UGT2A2: variants seen among roughly 807,000 people sequenced by gnomAD.
UGT2A2 encodes UDP glucuronosyltransferase family 2 member A2.
Under a neutral mutation model 50.7 loss-of-function variants are expected in UGT2A2, and 60 were observed. That is an observed-to-expected ratio of 1.18 (90% CI 0.96 to 1.47). UGT2A2 has a LOEUF of 1.47. Among genes scored for constraint, UGT2A2 ranks in the 40% most tolerant of loss-of-function variants. The pLI is 0.00. For synonymous variants in UGT2A2, 242 were observed against 214.6 expected, an observed-to-expected ratio of 1.13 and a Z score of -1.11; for missense variants, 762 against 634.0, an observed-to-expected ratio of 1.20 and a Z score of -2.17.
Position 69,605,066 on chromosome 4 carries a change from T to C in UGT2A2, c.743-5672A>G, listed in dbSNP as rs1303892599. Among the ~76,000 whole-genome samples the C allele has an allele frequency of 2.9e-5, 4 of 136,436 alleles. 2 individuals are homozygous for C. Among genetic ancestry groups the C allele is most frequent in the African/African-American group, 5.9e-5 (2 of 33,668 alleles). 89.5% of individuals were successfully genotyped at this position (136,436 alleles called of 152,430 possible). A position where few individuals can be genotyped will look rare whatever the true frequency, so the allele number is the denominator to read the frequency against. On this transcript the variant is annotated intron_variant, in intron 1 of 5. Coordinates refer to ENST00000604629, the MANE Select transcript of UGT2A2 (RefSeq NM_001105677.2). Reference sequence around the variant, plus strand: ...GAATTGAACTCAGCTCTGCACCAAGTAGACCTAATACACATCTACAGAATT... The same window carrying C: ...GAATTGAACTCAGCTCTGCACCAAGCAGACCTAATACACATCTACAGAATT...
intron 1 of UGT2A2, among the ~76,000 whole-genome samples, chr4:69,638,281 A>C (rs1284874544): frequency 6.6e-6 from 1 of 152,136 alleles, no homozygotes; most frequent in East Asian, 1.9e-4. Context: ...TAATATAAAC[A>C]ACCAATCAGG....
rs201309430 is a variant in UGT2A2, at chr4:69,594,499, T to A, written c.1309A>T (p.Arg437Ter). Residue 437 changes from arginine to a stop codon, truncating the protein, a stop_gained, in exon 5 of 6, where the codon AGA becomes TGA. Coordinates refer to ENST00000604629, the MANE Select transcript of UGT2A2 (RefSeq NM_001105677.2). LOFTEE classifies it high-confidence loss of function. ...TACGAAGGTTCATTAATGACTGTTCTCAAAGCGCTAAGCAAATCCACACTT... is the reference window on the plus strand; with the variant it reads ...TACGAAGGTTCATTAATGACTGTTCACAAAGCGCTAAGCAAATCCACACTT... ...MTSVDLLSAL[R>*]TVINEPSYKE... The A allele has an allele frequency of 5.8e-5, 94 of 1,614,072 alleles. No homozygotes were observed. Among genetic ancestry groups the A allele is most frequent in the Middle Eastern group, 1.6e-4 (1 of 6,082 alleles).
chr4:69,614,082 A>C (rs1189706498), intron 1 of UGT2A2, among the ~76,000 whole-genome samples: 1 of 145,550 alleles, frequency 6.9e-6, no homozygotes. Flanking sequence ...GAAAAACCTA[A>C]CAACCTCACC....
At chr4:69,617,812 A>T (rs184299744) in intron 1 of UGT2A2, among the ~76,000 whole-genome samples, 3 of 152,074 alleles carry the variant, frequency 2.0e-5, no homozygotes, top group African/African-American at 7.2e-5. Flanking sequence ...TTGAAATAAA[A>T]TATAACTAGG....
intron 1 of UGT2A2, among the ~76,000 whole-genome samples, chr4:69,606,008 G>T (rs1719587469): frequency 7.3e-6 from 1 of 136,472 alleles, no homozygotes; most frequent in Non-Finnish European, 1.6e-5. Flanking sequence ...GGAGGAGCTG[G>T]TACCATTCCT....
At chr4:69,619,007 GA>G (rs1020594212) in intron 1 of UGT2A2, among the ~76,000 whole-genome samples, 37 of 151,520 alleles carry the variant, frequency 2.4e-4, no homozygotes, top group Admixed American at 1.6e-3. Context: ...ATAATATATG[GA>G]AAAAAGTTAT....
chr4:69,617,249 T>C (rs1361045727), intron 1 of UGT2A2, among the ~76,000 whole-genome samples: 17 of 151,966 alleles, frequency 1.1e-4, no homozygotes, highest in Admixed American at 9.9e-4. Context: ...ACTTTCTTTT[T>C]CTTCAAGCAG....
intron 1 of UGT2A2, among the ~76,000 whole-genome samples, chr4:69,612,473 C>T (rs185123557): frequency 3.3e-5 from 5 of 152,064 alleles, no homozygotes; most frequent in African/African-American, 9.6e-5. Flanking sequence ...CACCATACTA[C>T]CCAACTTCAA....
At chr4:69,624,449 C>T (rs1163619567) in intron 1 of UGT2A2, among the ~76,000 whole-genome samples, 1 of 151,298 alleles carries the variant, frequency 6.6e-6, no homozygotes, top group Non-Finnish European at 1.5e-5. Context: ...GTTGTGAGAA[C>T]TTTACATTTA....
In UGT2A2 at chr4:69,588,524, GA is replaced by G. The variant is rs549237261; in HGVS notation, c.*847del. On this transcript the variant is annotated 3_prime_UTR_variant, in exon 6 of 6. Coordinates refer to ENST00000604629, the MANE Select transcript of UGT2A2 (RefSeq NM_001105677.2). ...TAGTGATTTTTAAGCATAATTAATT[GA>G]TGTTTTATGTAATTATTTGTACAGT... 25 of 152,052 alleles carry G rather than the reference GA, an allele frequency of 1.6e-4. No individual in the cohort carries two copies. The South Asian group carries it at 5.0e-3, about 30-fold the overall frequency. The allele number at this position is 152,052 out of a possible 1,614,324, so 9.4% of individuals were successfully genotyped here.
intron 1 of UGT2A2, among the ~76,000 whole-genome samples, chr4:69,626,549 G>A (rs1279831287): frequency 6.6e-6 from 1 of 151,552 alleles, no homozygotes; most frequent in Non-Finnish European, 1.5e-5. Flanking sequence ...ACTACTGGGT[G>A]ATGGGATTAT....
intron 1 of UGT2A2, among the ~76,000 whole-genome samples, chr4:69,619,921 C>T (rs1051487860): frequency 1.7e-4 from 26 of 151,916 alleles, no homozygotes; most frequent in Admixed American, 1.6e-3. Flanking sequence ...TCAATAGGCA[C>T]ACAAAAGGCT....
At chr4:69,638,369 C>T (rs1283458396) in intron 1 of UGT2A2, among the ~76,000 whole-genome samples, 1 of 152,062 alleles carries the variant, frequency 6.6e-6, no homozygotes, top group Non-Finnish European at 1.5e-5. Context: ...AGGCTGGCCA[C>T]AGGATAGAGA....
intron 1 of UGT2A2, among the ~76,000 whole-genome samples, chr4:69,620,262 A>G (rs1352962502): frequency 6.7e-6 from 1 of 150,352 alleles, no homozygotes; most frequent in Non-Finnish European, 1.5e-5. Flanking sequence ...AGCTGCCTGC[A>G]CTAATAAAAA....
chr4:69,598,076 C>G (rs140000986), intron 2 of UGT2A2, among the ~76,000 whole-genome samples: 2 of 152,004 alleles, frequency 1.3e-5, no homozygotes, highest in Non-Finnish European at 2.9e-5. Flanking sequence ...CCTATGGATA[C>G]GTCATGAATA....
At chr4:69,610,188 A>T (rs898104741) in intron 1 of UGT2A2, among the ~76,000 whole-genome samples, 2 of 152,154 alleles carry the variant, frequency 1.3e-5, no homozygotes, top group Non-Finnish European at 2.9e-5. Flanking sequence ...AAATATTTTT[A>T]AATGTGCAAA....
At chr4:69,605,104 T>A (rs1169230098) in intron 1 of UGT2A2, among the ~76,000 whole-genome samples, 1 of 136,778 alleles carries the variant, frequency 7.3e-6, no homozygotes, top group Non-Finnish European at 1.6e-5. Flanking sequence ...CCACCCCAAA[T>A]CAACAGAATA....
In UGT2A2 at chr4:69,616,823, ATTTTC is replaced by A. The variant is rs1399715896; in HGVS notation, c.743-17434_743-17430del. Among the ~76,000 whole-genome samples the A allele has an allele frequency of 1.1e-3, 115 of 109,088 alleles. 1 individual carries two copies. In the South Asian group the frequency reaches 0.039, roughly 37 times the overall value. The allele number at this position is 109,088 out of a possible 152,430, so 71.6% of individuals were successfully genotyped here. On this transcript the variant is annotated intron_variant, in intron 1 of 5. Transcript: ENST00000604629. ...ATGACACTTTCTAAATTTCTCTGCC[ATTTTC>A]TTTTCTTTTTTTTTTTTTTTTTGAA...
chr4:69,628,241 T>A (rs1324674411), intron 1 of UGT2A2, among the ~76,000 whole-genome samples: 4 of 151,446 alleles, frequency 2.6e-5, no homozygotes, highest in African/African-American at 9.7e-5. Context: ...GGCATTTTTT[T>A]AAAGAAATAG....
Sources: gnomAD v4.1 joint callset for allele counts (sites outside exome capture counted in the v4.1 genomes callset) on GRCh38, gnomAD v4.1.1 for gene constraint, MANE v1.5 for transcripts, NCBI Gene and HGNC (gene_info 2026-07-23, HGNC 2026-07-21) for gene names.